Variants in STAG1 observed in about 807,000 individuals in gnomAD.
STAG1 encodes the protein cohesin subunit SA-1.
Under a neutral mutation model 170.9 loss-of-function variants are expected in STAG1, and 26 were observed. The ratio of observed to expected loss-of-function variants is 0.15; its 90% CI spans 0.11 to 0.21. The LOEUF (loss-of-function observed/expected upper bound fraction) is 0.21. STAG1 is among the 10% of genes least tolerant of loss of function. STAG1 has a pLI of 1.00. For synonymous variants in STAG1, 514 were observed against 497.7 expected (o/e 1.03, Z -0.44); for missense variants, 964 against 1,509.5 (o/e 0.64, Z 5.99).
intron 1 of STAG1, among the ~76,000 whole-genome samples, chr3:136,750,329 TAAAG>T (rs1049217079): frequency 1.3e-5 from 2 of 152,016 alleles, no homozygotes; most frequent in African/African-American, 2.4e-5. Context: ...TTTTTAGAGA[TAAAG>T]AAAGTAAGGC....
chr3:136,376,791 C>CT (rs1015757015), intron 23 of STAG1, among the ~76,000 whole-genome samples: 1 of 151,618 alleles, frequency 6.6e-6, no homozygotes, highest in Non-Finnish European at 1.5e-5. Context: ...GTGTAGAATT[C>CT]TTTTTTTTAA....
chr3:136,514,545 A>G (rs1934247038), intron 7 of STAG1, among the ~76,000 whole-genome samples: 1 of 152,226 alleles, frequency 6.6e-6, no homozygotes, highest in Non-Finnish European at 1.5e-5. Context: ...CATTTGACCC[A>G]GCGATCCCAT....
At chr3:136,746,037 T>C (rs1206226522) in intron 1 of STAG1, among the ~76,000 whole-genome samples, 1 of 152,166 alleles carries the variant, frequency 6.6e-6, no homozygotes, top group Non-Finnish European at 1.5e-5. Context: ...AACTGAATTA[T>C]AAGACACTTT....
intron 1 of STAG1, among the ~76,000 whole-genome samples, chr3:136,690,854 G>A (rs948946823): frequency 6.6e-6 from 1 of 151,632 alleles, no homozygotes; most frequent in Non-Finnish European, 1.5e-5. Flanking sequence ...TTCTTTGGTG[G>A]ATTTGACTAG....
At chr3:136,533,498 G>A (rs1313726326) in intron 6 of STAG1, among the ~76,000 whole-genome samples, 2 of 152,098 alleles carry the variant, frequency 1.3e-5, no homozygotes, top group African/African-American at 2.4e-5. Flanking sequence ...GAGTCTGCTC[G>A]TCTTATGGTG....
chr3:136,352,796 A>T (rs906634041), intron 28 of STAG1, among the ~76,000 whole-genome samples: 65 of 152,192 alleles, frequency 4.3e-4, no homozygotes, highest in Non-Finnish European at 2.9e-4. Context: ...AGGCTAATGT[A>T]AGTATTCTGC....
At chr3:136,556,561 T>C (rs934453444) in intron 5 of STAG1, among the ~76,000 whole-genome samples, 1 of 147,272 alleles carries the variant, frequency 6.8e-6, no homozygotes, top group African/African-American at 2.4e-5. Flanking sequence ...CTGATAGAAC[T>C]TGACATTCGT....
chr3:136,560,177 C>G (rs1428293380), intron 5 of STAG1, among the ~76,000 whole-genome samples: 1 of 152,188 alleles, frequency 6.6e-6, no homozygotes, highest in African/African-American at 2.4e-5. Flanking sequence ...CGGAACTTCT[C>G]TGTTAGGCAC....
At chr3:136,570,323 A>C (rs574524224) in intron 4 of STAG1, among the ~76,000 whole-genome samples, 2 of 152,258 alleles carry the variant, frequency 1.3e-5, no homozygotes, top group South Asian at 2.1e-4. Context: ...TATTTCTTTC[A>C]AGCAAAGTTG....
intron 21 of STAG1, among the ~76,000 whole-genome samples, chr3:136,409,031 C>T (rs563023049): frequency 7.2e-5 from 11 of 152,130 alleles, no homozygotes; most frequent in African/African-American, 2.4e-4. Flanking sequence ...TTTGGGAGGC[C>T]GAGGCGGGTG....
chr3:136,389,413 C>T (rs2086950734), intron 22 of STAG1, among the ~76,000 whole-genome samples: 1 of 152,112 alleles, frequency 6.6e-6, no homozygotes. Flanking sequence ...CTGTCTCAGC[C>T]TCCTGAGTAG....
At chr3:136,356,717 T>A (rs1338295920) in intron 28 of STAG1, among the ~76,000 whole-genome samples, 1 of 152,092 alleles carries the variant, frequency 6.6e-6, no homozygotes, top group Non-Finnish European at 1.5e-5. Context: ...AAATTTAGGA[T>A]TCATTATAGT....
intron 13 of STAG1, among the ~76,000 whole-genome samples, chr3:136,463,768 T>TGTAC (rs755853025): frequency 2.6e-5 from 1 of 38,590 alleles, no homozygotes; most frequent in African/African-American, 1.7e-4. Flanking sequence ...TGTGTGTGTG[T>TGTAC]ATACACACAC....
chr3:136,650,642 T>C (rs1941186156), intron 1 of STAG1, among the ~76,000 whole-genome samples: 1 of 152,194 alleles, frequency 6.6e-6, no homozygotes. Context: ...TTTTGTCTAA[T>C]GAAGCTATCT....
In STAG1 at chr3:136,369,219, C is replaced by T; in HGVS notation, c.2434G>A (p.Glu812Lys). The T allele has an allele frequency of 6.2e-7, 1 of 1,605,010 alleles. No homozygotes were observed. The highest frequency in any genetic ancestry group is 1.1e-5 in the South Asian group (1 of 89,196). ...TTGAACACCAAAGGCTGAAGGCCCT[C>T]TCTGCCACCTGTCATTAATTGGTGG... ...FSHQLMTGGR[E>K]GLQPLVFNPD... The change falls in exon 24 of 34, where the codon GAG (glutamate) becomes AAG (lysine). Residue 812 changes from glutamate to lysine, a missense_variant. Glu to Lys is a moderately conservative substitution (Grantham distance 56). Coordinates refer to ENST00000383202, the MANE Select transcript of STAG1 (RefSeq NM_005862.3).
rs1433134150 is a variant in STAG1, at chr3:136,336,547, CACAG to C, written c.*1703_*1706del. ...TCATGGCTTGCTCCCTGGCCAAAAC[CACAG>C]GCAGGCAGGGCTGGGGTGGACAGTC... On this transcript the variant is annotated 3_prime_UTR_variant, in exon 34 of 34. Transcript: ENST00000383202. 1 of 152,220 alleles carries C rather than the reference CACAG, an allele frequency of 6.6e-6. No individual in the cohort carries two copies. The highest frequency in any genetic ancestry group is 1.5e-5 in the Non-Finnish European group (1 of 68,052). The allele number at this position is 152,220 out of a possible 1,614,324, so 9.4% of individuals were successfully genotyped here.
intron 1 of STAG1, among the ~76,000 whole-genome samples, chr3:136,634,488 TA>T (rs1225004097): frequency 6.6e-6 from 1 of 151,502 alleles, no homozygotes; most frequent in Non-Finnish European, 1.5e-5. Context: ...AATTTTTTTT[TA>T]AAAACCAGAG....
chr3:136,343,120 T>C (rs1400985511), intron 30 of STAG1, among the ~76,000 whole-genome samples: 1 of 152,208 alleles, frequency 6.6e-6, no homozygotes, highest in East Asian at 1.9e-4. Flanking sequence ...CTCCCTCTTA[T>C]CCATCAGAGT....
rs923690137 is a variant in STAG1 at position 136,464,819 on chromosome 3, T to C, written c.1313+62A>G. 6.4e-6 allele frequency: 9 copies of C among 1,409,108 alleles called. No individual in the cohort carries two copies. The African/African-American group carries it at 8.6e-5, about 13-fold the overall frequency. The allele number at this position is 1,409,108 out of a possible 1,614,324, so 87.3% of individuals were successfully genotyped here. On this transcript the variant is annotated intron_variant, in intron 13 of 33. Transcript: ENST00000383202. ...GTCACTATTACTCTCTTCTACAAAC[T>C]CTAAAACAACAAGAAAACAACATAG...
Sources: gnomAD v4.1 joint callset for allele counts (sites outside exome capture counted in the v4.1 genomes callset) on GRCh38, gnomAD v4.1.1 for gene constraint, MANE v1.5 for transcripts, NCBI Gene and HGNC (gene_info 2026-07-23, HGNC 2026-07-21) for gene names.